EPHA5: variants seen among roughly 807,000 people sequenced by gnomAD.
EPHA5 encodes EPH receptor A5, also known as ephrin type-A receptor 5.
A neutral mutation model predicts 105.0 loss-of-function variants in EPHA5; 60 were observed. The observed-to-expected ratio is 0.57, with a 90% confidence interval of 0.46 to 0.71. EPHA5 has a LOEUF of 0.71. EPHA5 is among the 30% of genes least tolerant of loss of function. The probability of loss-of-function intolerance (pLI) is 0.00; values close to 1 mark genes in which losing one functional copy is unlikely to be tolerated. For missense variants in EPHA5, 1,218 were observed against 1,274.7 expected (o/e 0.96, Z 0.68); for synonymous variants, 513 against 449.1 (o/e 1.14, Z -1.80).
intron 8 of EPHA5, among the ~76,000 whole-genome samples, chr4:65,397,531 G>C (rs542617704): frequency 6.6e-6 from 1 of 151,970 alleles, no homozygotes. Context: ...CCCCATACAA[G>C]ACTTAATTTT....
At chr4:65,539,477 G>T (rs2149318291) in intron 3 of EPHA5, among the ~76,000 whole-genome samples, 1 of 151,592 alleles carries the variant, frequency 6.6e-6, no homozygotes, top group African/African-American at 2.4e-5. Context: ...AAATAGAAAT[G>T]TAGCCAAAAT....
chr4:65,367,542 T>C, intron 8 of EPHA5, 118 bp from the exon 9 acceptor site: 2 of 852,758 alleles, frequency 2.3e-6, no homozygotes, highest in South Asian at 1.4e-5. Context: ...TTCATACTAG[T>C]AGTTTGGAAT....
chr4:65,425,625 T>G (rs1724359028), intron 5 of EPHA5, among the ~76,000 whole-genome samples: 3 of 151,656 alleles, frequency 2.0e-5, no homozygotes, highest in Non-Finnish European at 4.4e-5. Context: ...ATTACTATTT[T>G]AAAAATAATA....
chr4:65,376,132 C>A (rs1020771594), intron 8 of EPHA5, among the ~76,000 whole-genome samples: 2 of 151,896 alleles, frequency 1.3e-5, no homozygotes, highest in African/African-American at 4.8e-5. Context: ...TTACTTTACA[C>A]CTAGAGAATA....
chr4:65,665,844 C>T (rs902709970), intron 1 of EPHA5, among the ~76,000 whole-genome samples: 1 of 152,134 alleles, frequency 6.6e-6, no homozygotes, highest in Admixed American at 6.6e-5. Context: ...ATTCACGGTC[C>T]CTTGTAGTTT....
chr4:65,645,482 G>A (rs368308158), intron 1 of EPHA5, among the ~76,000 whole-genome samples: 1 of 152,074 alleles, frequency 6.6e-6, no homozygotes, highest in Admixed American at 6.6e-5. Context: ...AGCCTACCAT[G>A]AGAAACACAG....
At chr4:65,420,323 CAATT>C (rs1723818467) in intron 6 of EPHA5, 114 bp downstream of exon 6, 5 of 1,013,256 alleles carry the variant, frequency 4.9e-6, no homozygotes, top group African/African-American at 3.3e-5. Context: ...ACTGCAGAAT[CAATT>C]GTCATTGATT....
At chr4:65,472,039 G>A (rs992719788) in intron 5 of EPHA5, among the ~76,000 whole-genome samples, 12 of 152,078 alleles carry the variant, frequency 7.9e-5, no homozygotes, top group African/African-American at 2.7e-4. Flanking sequence ...TTCCACCTAG[G>A]AGGCTGTAAA....
chr4:65,404,166 G>A (rs1228425449), intron 8 of EPHA5, among the ~76,000 whole-genome samples: 3 of 152,100 alleles, frequency 2.0e-5, no homozygotes, highest in Non-Finnish European at 2.9e-5. Flanking sequence ...CTTGTGAAGA[G>A]AGCATACCTA....
At chr4:65,611,948 C>T (rs1055681831) in intron 2 of EPHA5, among the ~76,000 whole-genome samples, 3 of 134,326 alleles carry the variant, frequency 2.2e-5, no homozygotes, top group Non-Finnish European at 4.6e-5. Context: ...ACCTGGCAGG[C>T]GGAGTCTGCA....
chr4:65,520,517 A>G (rs1272217692), intron 3 of EPHA5, among the ~76,000 whole-genome samples: 1 of 152,208 alleles, frequency 6.6e-6, no homozygotes, highest in Non-Finnish European at 1.5e-5. Flanking sequence ...AAAAGCCAAA[A>G]TGGACGAATG....
At chr4:65,338,036 C>A (rs1011111846) in intron 14 of EPHA5, among the ~76,000 whole-genome samples, 1 of 151,604 alleles carries the variant, frequency 6.6e-6, no homozygotes, top group African/African-American at 2.4e-5. Flanking sequence ...ATATAATTAA[C>A]ATAACTTATT....
In EPHA5 at chr4:65,388,592, G is replaced by A. The variant is rs574179028; in HGVS notation, c.1793+15782C>T. ...AGTGATGATGAGTATTTTTTCATGTGTCTTTTGGCTGCATAAATGTCTTCT... is the reference window on the plus strand; with the variant it reads ...AGTGATGATGAGTATTTTTTCATGTATCTTTTGGCTGCATAAATGTCTTCT... On this transcript the variant is annotated intron_variant, in intron 8 of 16. Transcript: ENST00000613740. Among the ~76,000 whole-genome samples, 599 of 151,772 alleles carry A rather than the reference G, an allele frequency of 3.9e-3. 4 individuals are homozygous for A. Among genetic ancestry groups the A allele is most frequent in the African/African-American group, 0.014 (566 of 41,342 alleles).
chr4:65,584,857 C>T (rs1005087775), intron 3 of EPHA5, among the ~76,000 whole-genome samples: 2 of 151,820 alleles, frequency 1.3e-5, no homozygotes, highest in South Asian at 4.1e-4. Context: ...ATTTGTCACT[C>T]ATATAATTAT....
chr4:65,486,131 TATA>T (rs1379304734), intron 5 of EPHA5, among the ~76,000 whole-genome samples: 2 of 152,124 alleles, frequency 1.3e-5, no homozygotes, highest in African/African-American at 4.8e-5. Context: ...ACTTTATTTT[TATA>T]ATAAGAAAAC....
intron 2 of EPHA5, among the ~76,000 whole-genome samples, chr4:65,624,028 CAAAT>C (rs764866621): frequency 6.6e-6 from 1 of 151,880 alleles, no homozygotes; most frequent in Non-Finnish European, 1.5e-5. Context: ...CAATCAGAAA[CAAAT>C]GAATAATGGA....
intron 2 of EPHA5, among the ~76,000 whole-genome samples, chr4:65,602,931 A>T (rs1456646085): frequency 6.6e-6 from 1 of 152,268 alleles, no homozygotes; most frequent in South Asian, 2.1e-4. Context: ...CAAATTGGCT[A>T]GCTAAATATT....
At chr4:65,439,222 C>T (rs1235266028) in intron 5 of EPHA5, among the ~76,000 whole-genome samples, 3 of 152,074 alleles carry the variant, frequency 2.0e-5, no homozygotes, top group African/African-American at 7.2e-5. Flanking sequence ...GGCGAGAAAA[C>T]TTGGAATACT....
intron 3 of EPHA5, among the ~76,000 whole-genome samples, chr4:65,579,377 A>T (rs201096871): frequency 1.1e-3 from 105 of 92,294 alleles, no homozygotes; most frequent in South Asian, 0.011. Flanking sequence ...TATATATATA[A>T]ATATATATAT....
Sources: allele counts gnomAD v4.1 joint callset (sites outside exome capture counted in the v4.1 genomes callset), GRCh38; gene constraint gnomAD v4.1.1; transcripts MANE v1.5; gene names NCBI Gene and HGNC (gene_info 2026-07-23, HGNC 2026-07-21).